Variants in REXO5 observed in about 807,000 individuals in gnomAD.
REXO5 encodes RNA exonuclease 5.
A neutral mutation model predicts 88.5 loss-of-function variants in REXO5; 48 were observed. The observed-to-expected ratio is 0.54, with a 90% confidence interval of 0.43 to 0.69. The LOEUF is 0.69. Among genes scored for constraint, REXO5 ranks in the 30% least tolerant of loss-of-function variants. The pLI, the probability that REXO5 is intolerant of heterozygous loss-of-function variation, is 0.00. For missense variants in REXO5, 749 were observed against 912.2 expected, an observed-to-expected ratio of 0.82 and a Z score of 2.30; for synonymous variants, 311 against 336.5, an observed-to-expected ratio of 0.92 and a Z score of 0.83.
At chr16:20,814,704 T>C (rs750776171) in intron 3 of REXO5, among the ~76,000 whole-genome samples, 2 of 152,204 alleles carry the variant, frequency 1.3e-5, no homozygotes, top group Non-Finnish European at 2.9e-5. Context: ...TGCTTGGTAT[T>C]TTACTGGATT....
chr16:20,836,649 G>A (rs2081435441), intron 13 of REXO5, among the ~76,000 whole-genome samples: 1 of 152,200 alleles, frequency 6.6e-6, no homozygotes, highest in Admixed American at 6.5e-5. Flanking sequence ...ATACCAAAGA[G>A]TACAATTTCT....
intron 13 of REXO5, among the ~76,000 whole-genome samples, chr16:20,839,317 G>A (rs191365894): frequency 5.9e-5 from 9 of 151,956 alleles, no homozygotes; most frequent in Non-Finnish European, 1.0e-4. Context: ...CATTTAATTG[G>A]AGTTTTTATT....
At chr16:20,849,305 CAT>C in intron 19 of REXO5, 92 bp from the exon 20 acceptor site, 3 of 1,225,904 alleles carry the variant, frequency 2.4e-6, no homozygotes, top group South Asian at 1.3e-5. Flanking sequence ...GGCACACACA[CAT>C]ACTTGGAAAA....
intron 15 of REXO5, among the ~76,000 whole-genome samples, chr16:20,842,832 G>C (rs563973846): frequency 3.9e-5 from 6 of 152,288 alleles, no homozygotes; most frequent in African/African-American, 1.4e-4. Flanking sequence ...TCAAGTCCCT[G>C]CTTTCAGTTC....
At chr16:20,807,169 C>T (rs904107205) in intron 2 of REXO5, 78 bp downstream of exon 2, 1 of 1,506,768 alleles carries the variant, frequency 6.6e-7, no homozygotes, top group African/African-American at 1.4e-5. Flanking sequence ...CCGTCGGGGG[C>T]ACTGGATTCG....
chr16:20,806,435 G>C (rs759054050), upstream of REXO5: 5 of 1,553,272 alleles, frequency 3.2e-6, no homozygotes, highest in East Asian at 9.7e-5. Flanking sequence ...CGCCATTCCC[G>C]ACACTCCTTG....
intron 11 of REXO5, among the ~76,000 whole-genome samples, chr16:20,830,014 T>C (rs2081317239): frequency 1.3e-5 from 2 of 152,166 alleles, no homozygotes; most frequent in African/African-American, 4.8e-5. Flanking sequence ...TAAAACTTTA[T>C]TTATTTACAA....
chr16:20,815,202 A>C, intron 4 of REXO5, 149 bp downstream of exon 4: 1 of 715,128 alleles, frequency 1.4e-6, no homozygotes, highest in Non-Finnish European at 2.1e-6. Flanking sequence ...CCTCATGTAG[A>C]TTTGTCTCTG....
chr16:20,849,278 T>C, intron 19 of REXO5, 121 bp from the exon 20 acceptor site: 1 of 878,398 alleles, frequency 1.1e-6, no homozygotes, highest in Non-Finnish European at 1.8e-6. Flanking sequence ...CCATAAACCT[T>C]CCTGCCCTTG....
chr16:20,844,089 T>C, intron 16 of REXO5, 63 bp downstream of exon 16: 1 of 989,322 alleles, frequency 1.0e-6, no homozygotes, highest in Non-Finnish European at 1.6e-6. Context: ...GTATTTATAG[T>C]GCCCCAGGAC....
At chr16:20,816,014 C>G in intron 4 of REXO5, 102 bp from the exon 5 acceptor site, 1 of 874,662 alleles carries the variant, frequency 1.1e-6, no homozygotes, top group African/African-American at 1.7e-5. Context: ...CAATTACTGT[C>G]TAGAACTTTC....
intron 12 of REXO5, 121 bp downstream of exon 12, chr16:20,832,380 G>T: frequency 1.8e-6 from 1 of 562,830 alleles, no homozygotes; most frequent in East Asian, 3.3e-5. Flanking sequence ...ACCAAAAAAT[G>T]ATAACATCTA....
chr16:20,839,466 ATTTATTTAAT>A (rs2081491975), intron 13 of REXO5, among the ~76,000 whole-genome samples: 1 of 151,232 alleles, frequency 6.6e-6, no homozygotes, highest in Non-Finnish European at 1.5e-5. Context: ...AGTTACACTT[ATTTATTTAAT>A]TACAGGTCAT....
chr16:20,821,620 A>C, intron 5 of REXO5, 142 bp from the exon 6 acceptor site: 1 of 650,584 alleles, frequency 1.5e-6, no homozygotes. Context: ...ATTGTAATAG[A>C]TTGCAAGCCC....
At chr16:20,820,385 G>A (rs1488433350) in intron 5 of REXO5, among the ~76,000 whole-genome samples, 5 of 151,206 alleles carry the variant, frequency 3.3e-5, no homozygotes, top group Non-Finnish European at 5.9e-5. Context: ...TTTGAAGAAG[G>A]ATGTATGTGG....
chr16:20,844,776 C>G lies in REXO5; in HGVS notation c.1867C>G (p.Leu623Val). The G allele has an allele frequency of 6.2e-7, 1 of 1,614,212 alleles. No individual in the cohort carries two copies. Among genetic ancestry groups the G allele is most frequent in the African/African-American group, 1.3e-5 (1 of 75,072 alleles). The change falls in exon 17 of 20, where the codon CTT becomes GTT. Residue 623 changes from leucine to valine, a missense_variant. Leu to Val is a conservative substitution (Grantham distance 32). Coordinates refer to ENST00000261377, the MANE Select transcript of REXO5 (RefSeq NM_030941.3). The stretch of plus-strand genomic sequence containing the variant: ...GCTATTGCAGGAGCCCCGCCTCTTT[C>G]TTGGCCTGGAAGCTGTGATCTTGCC... ...EQLLQEPRLF[L>V]GLEAVILPKD...
intron 5 of REXO5, among the ~76,000 whole-genome samples, chr16:20,819,814 G>A (rs2081141720): frequency 6.6e-6 from 1 of 151,804 alleles, no homozygotes; most frequent in African/African-American, 2.4e-5. Flanking sequence ...CTAAAGTGCA[G>A]TGGTACAATC....
chr16:20,844,966 CCTT>C (rs762509327), intron 17 of REXO5, 85 bp from the exon 18 acceptor site: 25 of 1,554,300 alleles, frequency 1.6e-5, no homozygotes, highest in Non-Finnish European at 2.0e-5. Flanking sequence ...CTGATTCTGT[CCTT>C]CTCCTTTGAC....
At chr16:20,846,082 T>C (rs1278072241) in intron 18 of REXO5, 139 bp from the exon 19 acceptor site, 1 of 703,740 alleles carries the variant, frequency 1.4e-6, no homozygotes, top group East Asian at 2.7e-5. Context: ...CAGTGTGGGC[T>C]CCAGTGTTAG....
Sources: gnomAD v4.1 joint callset for allele counts (sites outside exome capture counted in the v4.1 genomes callset) on GRCh38, gnomAD v4.1.1 for gene constraint, MANE v1.5 for transcripts, NCBI Gene and HGNC (gene_info 2026-07-23, HGNC 2026-07-21) for gene names.